The following EYA1 variants were observed in gnomAD, a reference collection of about 807,000 sequenced individuals.
EYA1 encodes EYA transcriptional coactivator and phosphatase 1.
Under a neutral mutation model 82.0 loss-of-function variants are expected in EYA1, and 16 were observed. The ratio of observed to expected loss-of-function variants is 0.20; its 90% CI spans 0.13 to 0.30. EYA1 has a LOEUF of 0.30. Ranked by LOEUF, EYA1 falls within the 10% of genes least tolerant of loss-of-function variation. The probability of loss-of-function intolerance (pLI) is 1.00; values close to 1 mark genes in which losing one functional copy is unlikely to be tolerated. For synonymous variants in EYA1, 261 were observed against 264.4 expected (o/e 0.99, Z 0.12); for missense variants, 633 against 730.7 (o/e 0.87, Z 1.54).
chr8:71,478,952 G>A (rs193207872), intron 2 of EYA1, among the ~76,000 whole-genome samples: 22 of 152,268 alleles, frequency 1.4e-4, no homozygotes, highest in African/African-American at 5.1e-4. Flanking sequence ...ACTTATTCTT[G>A]TGTAACATTC....
chr8:71,286,601 A>T (rs930054951), intron 9 of EYA1, among the ~76,000 whole-genome samples: 1 of 152,104 alleles, frequency 6.6e-6, no homozygotes, highest in Non-Finnish European at 1.5e-5. Context: ...TGTGCTGAGA[A>T]TAGAAATAGA....
chr8:71,322,798 T>G (rs958193002), intron 4 of EYA1, among the ~76,000 whole-genome samples: 2 of 152,210 alleles, frequency 1.3e-5, no homozygotes, highest in African/African-American at 4.8e-5. Context: ...TAGCAATGGT[T>G]TTTAGTAAAA....
intron 1 of EYA1, among the ~76,000 whole-genome samples, chr8:71,543,619 T>A (rs191739517): frequency 3.9e-5 from 6 of 152,322 alleles, no homozygotes; most frequent in Admixed American, 3.9e-4. Flanking sequence ...TTTTTAGCTG[T>A]TTATCCACCA....
At chr8:71,225,437 C>A (rs1810440179) in intron 12 of EYA1, 27 of 349,808 alleles carry the variant, frequency 7.7e-5, no homozygotes, top group Admixed American at 3.3e-4. Context: ...TGCTTCCTTG[C>A]AGAAAAAGAA....
chr8:71,475,553 T>G (rs916427285), intron 2 of EYA1, among the ~76,000 whole-genome samples: 4 of 152,286 alleles, frequency 2.6e-5, no homozygotes, highest in Non-Finnish European at 5.9e-5. Context: ...GAACATACCT[T>G]TATTATATTA....
intron 2 of EYA1, among the ~76,000 whole-genome samples, chr8:71,380,565 T>C (rs1563553212): frequency 6.6e-6 from 1 of 152,094 alleles, no homozygotes; most frequent in Non-Finnish European, 1.5e-5. Context: ...TCAAACCTGA[T>C]CTCCTCATTC....
intron 2 of EYA1, among the ~76,000 whole-genome samples, chr8:71,456,251 TA>T (rs1408077894): frequency 6.6e-6 from 1 of 151,984 alleles, no homozygotes; most frequent in Admixed American, 6.6e-5. Flanking sequence ...CTCAACAAAA[TA>T]AAAGAGGACA....
chr8:71,327,853 C>CTTTTTTT (rs71555578), intron 4 of EYA1, among the ~76,000 whole-genome samples: 1 of 110,202 alleles, frequency 9.1e-6, no homozygotes. Flanking sequence ...TCTTTAAGTT[C>CTTTTTTT]TTTTTTTTTT....
At chr8:71,256,320 T>C (rs971372005) in intron 11 of EYA1, among the ~76,000 whole-genome samples, 1 of 152,064 alleles carries the variant, frequency 6.6e-6, no homozygotes, top group African/African-American at 2.4e-5. Context: ...CATTGATAGA[T>C]ATATCAAAAA....
intron 12 of EYA1, among the ~76,000 whole-genome samples, chr8:71,227,748 T>C: frequency 6.6e-6 from 1 of 152,232 alleles, no homozygotes; most frequent in East Asian, 1.9e-4. Flanking sequence ...TTAATGCCAT[T>C]ACATGTCTAT....
chr8:71,343,381 A>T (rs1825361560), intron 3 of EYA1, among the ~76,000 whole-genome samples: 1 of 152,186 alleles, frequency 6.6e-6, no homozygotes. Flanking sequence ...GTATTGAAAG[A>T]TGGGAACTTT....
chr8:71,414,872 T>A (rs1168687822), intron 2 of EYA1, among the ~76,000 whole-genome samples: 1 of 152,236 alleles, frequency 6.6e-6, no homozygotes, highest in Non-Finnish European at 1.5e-5. Flanking sequence ...TTCTTCCATT[T>A]ATGGACTAAG....
chr8:71,516,928 C>A (rs1813016766), intron 2 of EYA1, among the ~76,000 whole-genome samples: 1 of 152,120 alleles, frequency 6.6e-6, no homozygotes, highest in African/African-American at 2.4e-5. Flanking sequence ...CCTTCACTGT[C>A]AAACTCAAAC....
intron 2 of EYA1, among the ~76,000 whole-genome samples, chr8:71,508,979 T>C (rs919812797): frequency 3.3e-5 from 5 of 152,124 alleles, no homozygotes; most frequent in Admixed American, 2.0e-4. Context: ...CCCAGCACTT[T>C]GGGAGGCCGA....
rs1812870043 is a variant in EYA1, at chr8:71,244,740, A to AG, written c.1051-49_1051-48insC. ...GAAGAACATGTATACTTCAGGTTAC[A>AG]TGAAAGAGAGTGTCTCATTAAGAGG... On this transcript the variant is annotated intron_variant, in intron 11 of 17. Coordinates refer to ENST00000340726, the MANE Select transcript of EYA1 (RefSeq NM_000503.6). 5 of 1,121,356 alleles carry AG rather than the reference A, an allele frequency of 4.5e-6. No homozygotes were observed. In the East Asian group the frequency reaches 1.2e-4, roughly 27 times the overall value. The allele number at this position is 1,121,356 out of a possible 1,614,324, so 69.5% of individuals were successfully genotyped here.
At chr8:71,458,447 A>G (rs1167603475) in intron 2 of EYA1, among the ~76,000 whole-genome samples, 4 of 151,730 alleles carry the variant, frequency 2.6e-5, no homozygotes, top group Non-Finnish European at 1.5e-5. Flanking sequence ...CTTAGAGTTC[A>G]TTACCTCACA....
intron 2 of EYA1, among the ~76,000 whole-genome samples, chr8:71,497,363 T>A (rs1427528807): frequency 6.6e-6 from 1 of 152,108 alleles, no homozygotes; most frequent in Non-Finnish European, 1.5e-5. Context: ...GCAAAATATA[T>A]AAGAACTCAA....
At chr8:71,366,645 G>T (rs1447318174), upstream of EYA1, among the ~76,000 whole-genome samples, 1 of 152,224 alleles carries the variant, frequency 6.6e-6, no homozygotes, top group African/African-American at 2.4e-5. Context: ...GAGGAAAGAA[G>T]GGAATTAGCA....
At chr8:71,389,068 C>T (rs1157051145) in intron 2 of EYA1, among the ~76,000 whole-genome samples, 1 of 151,528 alleles carries the variant, frequency 6.6e-6, no homozygotes, top group Non-Finnish European at 1.5e-5. Flanking sequence ...GCAACAACAA[C>T]AGAAAGAGAG....
Sources: gnomAD v4.1 joint callset for allele counts (sites outside exome capture counted in the v4.1 genomes callset) on GRCh38, gnomAD v4.1.1 for gene constraint, MANE v1.5 for transcripts, NCBI Gene and HGNC (gene_info 2026-07-23, HGNC 2026-07-21) for gene names.